NWD1: variants seen among roughly 807,000 people sequenced by gnomAD.
The protein encoded by NWD1 is NACHT and WD repeat domain containing 1, also known as NACHT domain- and WD repeat-containing protein 1.
Under a neutral mutation model 135.1 loss-of-function variants are expected in NWD1, and 129 were observed. The ratio of observed to expected loss-of-function variants is 0.96; its 90% CI spans 0.83 to 1.11. The LOEUF is 1.11. NWD1 is among the 50% of genes least tolerant of loss of function. The pLI is 0.00. For synonymous variants in NWD1, 773 were observed against 786.0 expected, an observed-to-expected ratio of 0.98 and a Z score of 0.28; for missense variants, 1,740 against 1,851.3, an observed-to-expected ratio of 0.94 and a Z score of 1.10.
chr19:16,754,879 C>T (rs1301421971), intron 6 of NWD1, among the ~76,000 whole-genome samples: 1 of 152,210 alleles, frequency 6.6e-6, no homozygotes, highest in East Asian at 1.9e-4. Context: ...TCCATCCATT[C>T]ATCCACCCAT....
intron 10 of NWD1, among the ~76,000 whole-genome samples, chr19:16,767,791 T>A (rs753284831): frequency 9.9e-5 from 15 of 151,846 alleles, no homozygotes; most frequent in South Asian, 2.1e-4. Flanking sequence ...AACCCATATC[T>A]CTCCCCATTC....
rs74579564 is a variant in NWD1 at position 16,770,064 on chromosome 19, A to G, written c.2411-3062A>G. Among the ~76,000 whole-genome samples the G allele has an allele frequency of 6.0e-3, 914 of 152,268 alleles. 8 individuals carry two copies. Among genetic ancestry groups the G allele is most frequent in the Non-Finnish European group, 8.9e-3 (608 of 68,022 alleles). ...TTTTGCATCATCTGTCTGCCACATC[A>G]GACTCTGAGCTCCATAAGGCCAATG... On this transcript the variant is annotated intron_variant, in intron 10 of 18. Transcript: ENST00000524140.
At chr19:16,764,790 C>A (rs1333152050) in intron 9 of NWD1, among the ~76,000 whole-genome samples, 1 of 151,998 alleles carries the variant, frequency 6.6e-6, no homozygotes, top group Non-Finnish European at 1.5e-5. Flanking sequence ...TGTCTGCAGA[C>A]ATGTTTGATT....
Position 16,816,371 on chromosome 19 carries a change from C to T in NWD1, c.*1332C>T, listed in dbSNP as rs1971068279. The T allele has an allele frequency of 6.6e-6, 1 of 152,136 alleles. No homozygotes were observed. The highest frequency in any genetic ancestry group is 2.4e-5 in the African/African-American group (1 of 41,398). The allele number at this position is 152,136 out of a possible 1,614,324, so 9.4% of individuals were successfully genotyped here. ...TCTATAGTGCATTTGGCATGTGCGT[C>T]TTTGGTTAATGAGCTGACTTCAGGA... On this transcript the variant is annotated 3_prime_UTR_variant, in exon 19 of 19. Transcript: ENST00000524140.
intron 1 of NWD1, chr19:16,721,374 T>C (rs1967129706): frequency 6.6e-6 from 1 of 152,110 alleles, no homozygotes; most frequent in Non-Finnish European, 1.5e-5. Context: ...TCAAAGACTC[T>C]TATCCTCCTG....
At chr19:16,731,399 C>T (rs909390715) in intron 3 of NWD1, 121 bp downstream of exon 3, 49 of 579,924 alleles carry the variant, frequency 8.4e-5, no homozygotes, top group Non-Finnish European at 1.1e-4. Flanking sequence ...CTCTGCCTCC[C>T]GGGTTCAAGC....
intron 6 of NWD1, among the ~76,000 whole-genome samples, chr19:16,756,622 C>G (rs1342892299): frequency 1.3e-5 from 2 of 152,036 alleles, no homozygotes; most frequent in African/African-American, 2.4e-5. Context: ...ATCTATATGC[C>G]TATCTATACA....
In NWD1 at chr19:16,748,856, T is replaced by C. The variant is rs566808910; in HGVS notation, c.497-283T>C. Among the ~76,000 whole-genome samples the C allele has an allele frequency of 6.6e-5, 10 of 151,556 alleles. No individual in the cohort carries two copies. The East Asian group carries it at 1.9e-3, about 29-fold the overall frequency. On this transcript the variant is annotated intron_variant, in intron 5 of 18. Coordinates refer to ENST00000524140, the MANE Select transcript of NWD1 (RefSeq NM_001007525.5). ...ATAATAATAAGAAGAAGAATAAGAG[T>C]AATGGCTTAACTAGTGTAACTCTGG...
intron 13 of NWD1, among the ~76,000 whole-genome samples, chr19:16,790,639 A>AAAAT (rs1555730357): frequency 0.59 from 87,013 of 147,090 alleles, 27,229 homozygotes; most frequent in Middle Eastern, 0.74. Context: ...CATTAAAAAA[A>AAAAT]AATAAATAAA....
At chr19:16,741,812 G>A (rs1968096611) in intron 4 of NWD1, among the ~76,000 whole-genome samples, 1 of 152,048 alleles carries the variant, frequency 6.6e-6, no homozygotes, top group African/African-American at 2.4e-5. Flanking sequence ...TGCCTCTTTG[G>A]CTAAGACTCC....
At chr19:16,810,437 C>CA (rs529841524) in intron 18 of NWD1, among the ~76,000 whole-genome samples, 11,773 of 65,790 alleles carry the variant, frequency 0.18, 964 homozygotes, top group Admixed American at 0.29. Context: ...GACTCCATCT[C>CA]AAAAAAAAAA....
intron 14 of NWD1, among the ~76,000 whole-genome samples, chr19:16,793,342 T>C (rs1401754309): frequency 1.3e-5 from 2 of 151,998 alleles, no homozygotes; most frequent in Non-Finnish European, 2.9e-5. Context: ...CAAGACGTCC[T>C]CTCGCCTCAG....
Position 16,815,354 on chromosome 19 carries a change from TG to T in NWD1, c.*320del, listed in dbSNP as rs1971040466. The T allele has an allele frequency of 1.4e-6, 1 of 698,404 alleles. No homozygotes were observed. Among genetic ancestry groups the T allele is most frequent in the African/African-American group, 1.8e-5 (1 of 55,640 alleles). 43.3% of individuals were successfully genotyped at this position (698,404 alleles called of 1,614,324 possible). ...AAAAAATAAAAATAAAAAAACCCTGTGGGGGTATGGGGCTCCAGTGAGTTAG... is the reference window on the plus strand; with the variant it reads ...AAAAAATAAAAATAAAAAAACCCTGTGGGGTATGGGGCTCCAGTGAGTTAG... On this transcript the variant is annotated 3_prime_UTR_variant, in exon 19 of 19. Transcript: ENST00000524140.
At chr19:16,752,816 G>A (rs1345829479) in intron 6 of NWD1, among the ~76,000 whole-genome samples, 1 of 152,106 alleles carries the variant, frequency 6.6e-6, no homozygotes, top group Non-Finnish European at 1.5e-5. Flanking sequence ...GGGCAACAAA[G>A]TGAGAGCCCC....
At chr19:16,747,069 C>T (rs541195817) in intron 5 of NWD1, among the ~76,000 whole-genome samples, 9 of 142,452 alleles carry the variant, frequency 6.3e-5, no homozygotes, top group Middle Eastern at 8.5e-3. Context: ...TGGAGTCTTG[C>T]TCTATTGTCC....
At chr19:16,796,061 G>A (rs1282835155) in intron 15 of NWD1, among the ~76,000 whole-genome samples, 1 of 152,208 alleles carries the variant, frequency 6.6e-6, no homozygotes, top group Non-Finnish European at 1.5e-5. Flanking sequence ...CTCTCTCAGT[G>A]TGGCTGAGTC....
chr19:16,809,577 T>C (rs902487824), intron 18 of NWD1, among the ~76,000 whole-genome samples: 31 of 146,112 alleles, frequency 2.1e-4, no homozygotes, highest in African/African-American at 7.5e-4. Context: ...TTTTTTGAGA[T>C]GGAGTCTTGC....
intron 10 of NWD1, among the ~76,000 whole-genome samples, chr19:16,768,213 C>A (rs947101049): frequency 6.6e-6 from 1 of 151,986 alleles, no homozygotes; most frequent in East Asian, 1.9e-4. Flanking sequence ...CCAGGCTGGT[C>A]TCGAACTCCT....
chr19:16,798,025 T>C, intron 16 of NWD1, 139 bp downstream of exon 16: 1 of 738,014 alleles, frequency 1.4e-6, no homozygotes, highest in Non-Finnish European at 2.3e-6. Flanking sequence ...TGGGAGGATA[T>C]GGGGGTGTAT....
Sources: gnomAD v4.1 joint callset for allele counts (sites outside exome capture counted in the v4.1 genomes callset) on GRCh38, gnomAD v4.1.1 for gene constraint, MANE v1.5 for transcripts, NCBI Gene and HGNC (gene_info 2026-07-23, HGNC 2026-07-21) for gene names.